Variants in STXBP5L observed in about 807,000 individuals in gnomAD.
STXBP5L encodes the protein syntaxin binding protein 5L, also known as syntaxin-binding protein 5-like.
A neutral mutation model predicts 144.5 loss-of-function variants in STXBP5L; 65 were observed. The ratio of observed to expected loss-of-function variants is 0.45; its 90% CI spans 0.37 to 0.55. STXBP5L has a LOEUF of 0.55. Ranked by LOEUF, STXBP5L falls within the 20% of genes least tolerant of loss-of-function variation. STXBP5L has a pLI of 0.00. For missense variants in STXBP5L, 1,298 were observed against 1,405.5 expected, an observed-to-expected ratio of 0.92 and a Z score of 1.22; for synonymous variants, 505 against 469.6, an observed-to-expected ratio of 1.08 and a Z score of -0.97.
intron 11 of STXBP5L, among the ~76,000 whole-genome samples, chr3:121,230,865 G>A (rs2049284022): frequency 6.6e-6 from 1 of 152,158 alleles, no homozygotes; most frequent in South Asian, 2.1e-4. Flanking sequence ...GAATTTTAGA[G>A]AAACCAGAGT....
In STXBP5L at chr3:121,233,632, T is replaced by G. The variant is rs1445299648; in HGVS notation, c.1128T>G (p.Tyr376Ter). 1 of 1,612,238 alleles carries G rather than the reference T, an allele frequency of 6.2e-7. No homozygotes were observed. The highest frequency in any genetic ancestry group is 8.5e-7 in the Non-Finnish European group (1 of 1,179,134). Residue 376 changes from tyrosine (Y) to a stop codon, truncating the protein, a stop_gained, in exon 12 of 27, where the codon TAT (tyrosine) becomes TAG (stop). Coordinates refer to ENST00000471454, the MANE Select transcript of STXBP5L (RefSeq NM_001308330.2). LOFTEE classifies it high-confidence loss of function. The stretch of plus-strand genomic sequence containing the variant: ...TACTTGTAGAATTTCAAGAACCCTA[T>G]GCTGTCGTGGTACTTCTGGAGAAAG... ...TPYPNEFQEP[Y>*]AVVVLLEKDL...
intron 2 of STXBP5L, among the ~76,000 whole-genome samples, chr3:120,926,815 T>A (rs771127132): frequency 6.6e-6 from 1 of 152,206 alleles, no homozygotes; most frequent in Non-Finnish European, 1.5e-5. Context: ...ATTTAGCTGT[T>A]GAGGGCCTCT....
At chr3:120,968,163 CT>C (rs1471807951) in intron 3 of STXBP5L, among the ~76,000 whole-genome samples, 1 of 152,166 alleles carries the variant, frequency 6.6e-6, no homozygotes, top group East Asian at 1.9e-4. Context: ...AGTTGATTTT[CT>C]GTTCAGATGA....
At chr3:121,062,618 G>C (rs903685257) in intron 5 of STXBP5L, among the ~76,000 whole-genome samples, 2 of 152,132 alleles carry the variant, frequency 1.3e-5, no homozygotes, top group Admixed American at 6.6e-5. Flanking sequence ...ACTTTCTTCT[G>C]TTCTCCCCAT....
At chr3:121,349,173 G>A (rs1344494809) in intron 20 of STXBP5L, among the ~76,000 whole-genome samples, 1 of 152,074 alleles carries the variant, frequency 6.6e-6, no homozygotes, top group Non-Finnish European at 1.5e-5. Flanking sequence ...GTTCTCATTG[G>A]TTTCAAAGAA....
intron 3 of STXBP5L, among the ~76,000 whole-genome samples, chr3:120,958,723 C>A (rs890247571): frequency 1.1e-4 from 16 of 152,154 alleles, no homozygotes; most frequent in African/African-American, 3.9e-4. Context: ...GCTAAAAACT[C>A]TCAATAAATT....
At chr3:121,416,714 A>G (rs1340004904) in intron 25 of STXBP5L, among the ~76,000 whole-genome samples, 1 of 151,766 alleles carries the variant, frequency 6.6e-6, no homozygotes, top group Non-Finnish European at 1.5e-5. Context: ...TATGTTGGCT[A>G]GGTTGGTCTT....
chr3:120,964,557 T>A (rs776581097), intron 3 of STXBP5L, among the ~76,000 whole-genome samples: 2 of 152,004 alleles, frequency 1.3e-5, no homozygotes, highest in African/African-American at 2.4e-5. Context: ...AGCAAGTTGT[T>A]CAGTTCCATG....
At chr3:121,372,969 A>G (rs954292559) in intron 20 of STXBP5L, among the ~76,000 whole-genome samples, 7 of 152,270 alleles carry the variant, frequency 4.6e-5, no homozygotes, top group African/African-American at 1.7e-4. Flanking sequence ...GGTAGAAACT[A>G]CAATACCCAG....
chr3:121,158,519 T>A (rs1422647870), intron 9 of STXBP5L: 1 of 152,188 alleles, frequency 6.6e-6, no homozygotes, highest in Non-Finnish European at 1.5e-5. Context: ...CAGTAAATGA[T>A]CAAATTATTG....
At chr3:121,000,951 G>A (rs964799800) in intron 3 of STXBP5L, among the ~76,000 whole-genome samples, 2 of 152,194 alleles carry the variant, frequency 1.3e-5, no homozygotes, top group Non-Finnish European at 2.9e-5. Context: ...CTATGGCTTT[G>A]TTCTCTGGCT....
chr3:121,170,071 C>A (rs2046650895), intron 9 of STXBP5L, among the ~76,000 whole-genome samples: 1 of 152,150 alleles, frequency 6.6e-6, no homozygotes, highest in African/African-American at 2.4e-5. Flanking sequence ...TACTTGGAAA[C>A]TTAACAACGT....
At position 120,909,686 on chromosome 3, in the gene STXBP5L, C is replaced by T. The variant is rs1288492204; in HGVS notation, c.108C>T (p.Ser36=). The change falls in exon 2 of 27, where the codon TCC becomes TCT. Residue 36 remains serine, a synonymous_variant. Coordinates refer to ENST00000471454, the MANE Select transcript of STXBP5L (RefSeq NM_001308330.2). The part of the protein sequence containing the change: ...SNSGGGAGSG[S]VHPAGTAGVL... ...GTGGTGGTGGGGCTGGAAGTGGTTC[C>T]GTACATCCGGCGGGGACTGCAGGGG... 5 of 1,612,762 alleles carry T rather than the reference C, an allele frequency of 3.1e-6. No individual in the cohort carries two copies. Among genetic ancestry groups the T allele is most frequent in the East Asian group, 2.2e-5 (1 of 44,844 alleles).
chr3:121,018,752 GA>G (rs1268479342), intron 3 of STXBP5L, among the ~76,000 whole-genome samples: 3 of 152,164 alleles, frequency 2.0e-5, no homozygotes, highest in Admixed American at 2.0e-4. Flanking sequence ...TGGCAGATAG[GA>G]GGCGGAACTA....
chr3:120,966,934 T>C (rs1284053907), intron 3 of STXBP5L, among the ~76,000 whole-genome samples: 1 of 152,190 alleles, frequency 6.6e-6, no homozygotes, highest in South Asian at 2.1e-4. Context: ...TAGAGCTTGT[T>C]GAGCTGCAGT....
intron 5 of STXBP5L, among the ~76,000 whole-genome samples, chr3:121,054,637 G>T (rs911635411): frequency 2.7e-5 from 4 of 150,782 alleles, no homozygotes; most frequent in African/African-American, 9.7e-5. Context: ...ATACCTAATG[G>T]TAAATGACGA....
chr3:121,165,066 G>C (rs967914643), intron 9 of STXBP5L, among the ~76,000 whole-genome samples: 9 of 152,246 alleles, frequency 5.9e-5, no homozygotes, highest in Non-Finnish European at 8.8e-5. Flanking sequence ...GGAGATGATG[G>C]ATATGTTAAC....
At chr3:121,342,351 T>C (rs9845254) in intron 20 of STXBP5L, among the ~76,000 whole-genome samples, 1 of 152,000 alleles carries the variant, frequency 6.6e-6, no homozygotes, top group Non-Finnish European at 1.5e-5. Flanking sequence ...ATACTATTTT[T>C]TTATTATTAT....
At chr3:120,977,044 G>T (rs1470109138) in intron 3 of STXBP5L, among the ~76,000 whole-genome samples, 2 of 152,198 alleles carry the variant, frequency 1.3e-5, no homozygotes, top group Non-Finnish European at 2.9e-5. Flanking sequence ...GGAGAGTTCT[G>T]TAGATGTCTA....
Sources: gnomAD v4.1 joint callset for allele counts (sites outside exome capture counted in the v4.1 genomes callset) on GRCh38, gnomAD v4.1.1 for gene constraint, MANE v1.5 for transcripts, NCBI Gene and HGNC (gene_info 2026-07-23, HGNC 2026-07-21) for gene names.